PTPRM: variants seen among roughly 807,000 people sequenced by gnomAD.
The protein encoded by PTPRM is protein tyrosine phosphatase receptor type M.
Under a neutral mutation model 186.7 loss-of-function variants are expected in PTPRM, and 47 were observed. The observed-to-expected ratio is 0.25, with a 90% CI of 0.20 to 0.32. The LOEUF is 0.32. PTPRM is among the 10% of genes least tolerant of loss of function. The pLI, the probability that PTPRM is intolerant of heterozygous loss-of-function variation, is 1.00. For missense variants in PTPRM, 1,494 were observed against 1,865.0 expected, an observed-to-expected ratio of 0.80 and a Z score of 3.66; for synonymous variants, 668 against 674.9, an observed-to-expected ratio of 0.99 and a Z score of 0.16.
At chr18:7,840,964 A>T (rs2046292053) in intron 2 of PTPRM, among the ~76,000 whole-genome samples, 1 of 152,208 alleles carries the variant, frequency 6.6e-6, no homozygotes, top group Admixed American at 6.5e-5. Context: ...AAAGGACAAG[A>T]TGTAATTTGT....
At chr18:7,834,719 A>G (rs1367662166) in intron 2 of PTPRM, among the ~76,000 whole-genome samples, 4 of 151,846 alleles carry the variant, frequency 2.6e-5, no homozygotes, top group African/African-American at 9.7e-5. Context: ...AGAATTCAGC[A>G]GTGAAGCCAT....
chr18:7,763,948 TC>T (rs1347482751), intron 1 of PTPRM, among the ~76,000 whole-genome samples: 1 of 151,300 alleles, frequency 6.6e-6, no homozygotes, highest in Non-Finnish European at 1.5e-5. Flanking sequence ...AAAATGCAAT[TC>T]TTTTTTTTTT....
intron 1 of PTPRM, among the ~76,000 whole-genome samples, chr18:7,663,649 A>T (rs1423154770): frequency 6.6e-6 from 1 of 152,212 alleles, no homozygotes. Flanking sequence ...CTCATGTACC[A>T]TGAAGAGGAC....
chr18:8,139,979 A>G (rs1378759526), intron 13 of PTPRM, among the ~76,000 whole-genome samples: 1 of 152,184 alleles, frequency 6.6e-6, no homozygotes, highest in Non-Finnish European at 1.5e-5. Flanking sequence ...GCTACTCAAT[A>G]AATGCTTGTT....
At chr18:8,100,847 C>G (rs940489512) in intron 11 of PTPRM, among the ~76,000 whole-genome samples, 2 of 152,200 alleles carry the variant, frequency 1.3e-5, no homozygotes, top group South Asian at 2.1e-4. Context: ...GCCCATTATA[C>G]TCCGCTTTTA....
chr18:8,347,571 C>T (rs1034104425), intron 23 of PTPRM, among the ~76,000 whole-genome samples: 3 of 152,176 alleles, frequency 2.0e-5, no homozygotes, highest in Non-Finnish European at 4.4e-5. Flanking sequence ...AATGAAAATG[C>T]TATGCAGTGG....
intron 1 of PTPRM, among the ~76,000 whole-genome samples, chr18:7,658,359 T>TACATACAC (rs1555647588): frequency 1.5e-5 from 2 of 136,678 alleles, no homozygotes; most frequent in African/African-American, 5.9e-5. Context: ...TATATATATA[T>TACATACAC]ACATACACAC....
chr18:8,101,168 G>C (rs1479671053), intron 11 of PTPRM, among the ~76,000 whole-genome samples: 1 of 152,164 alleles, frequency 6.6e-6, no homozygotes. Context: ...CATAAAGAAT[G>C]CAACCATAGC....
intron 14 of PTPRM, among the ~76,000 whole-genome samples, chr18:8,215,632 C>T (rs928204103): frequency 1.3e-5 from 2 of 150,772 alleles, no homozygotes; most frequent in African/African-American, 4.9e-5. Context: ...AGCCCATACC[C>T]GCCGGGCTCA....
intron 7 of PTPRM, among the ~76,000 whole-genome samples, chr18:7,965,601 G>A (rs1037123133): frequency 6.6e-5 from 10 of 152,270 alleles, no homozygotes; most frequent in Admixed American, 2.6e-4. Context: ...CTTGCATCCA[G>A]TGTCGCTGGC....
intron 1 of PTPRM, among the ~76,000 whole-genome samples, chr18:7,683,163 A>ATTTT (rs761087539): frequency 4.4e-4 from 54 of 123,352 alleles, no homozygotes; most frequent in African/African-American, 1.3e-3. Flanking sequence ...TTGGCTTGCC[A>ATTTT]TTTTTTTTTT....
intron 14 of PTPRM, among the ~76,000 whole-genome samples, chr18:8,213,295 G>A (rs1315590757): frequency 6.6e-6 from 1 of 152,172 alleles, no homozygotes; most frequent in African/African-American, 2.4e-5. Flanking sequence ...AGGAGAACAG[G>A]CTGCAGAAGG....
At chr18:7,774,362 C>T (rs140271321) in intron 2 of PTPRM, 91 bp downstream of exon 2, 29 of 1,469,580 alleles carry the variant, frequency 2.0e-5, no homozygotes, top group East Asian at 9.2e-5. Context: ...AAATGAGTGA[C>T]GGTGTTGGTC....
intron 4 of PTPRM, among the ~76,000 whole-genome samples, chr18:7,915,464 T>A (rs1469528674): frequency 7.1e-6 from 1 of 141,618 alleles, no homozygotes; most frequent in Non-Finnish European, 1.6e-5. Flanking sequence ...AGCATACAGC[T>A]CAGCATGGGA....
At chr18:7,869,641 G>A (rs950438814) in intron 2 of PTPRM, among the ~76,000 whole-genome samples, 4 of 152,060 alleles carry the variant, frequency 2.6e-5, no homozygotes, top group Admixed American at 6.6e-5. Flanking sequence ...GTTCCTGTTC[G>A]GCCATCTTGC....
intron 1 of PTPRM, among the ~76,000 whole-genome samples, chr18:7,652,946 T>C (rs1171256267): frequency 6.6e-6 from 1 of 151,870 alleles, no homozygotes; most frequent in Non-Finnish European, 1.5e-5. Flanking sequence ...GCCCCAAATA[T>C]ACGATTCTTA....
intron 5 of PTPRM, among the ~76,000 whole-genome samples, chr18:7,927,532 T>C (rs770656979): frequency 6.6e-6 from 1 of 152,072 alleles, no homozygotes; most frequent in Admixed American, 6.6e-5. Context: ...AGTTGAACTG[T>C]CCTTCGGGTT....
At chr18:7,777,361 A>C (rs925931341) in intron 2 of PTPRM, among the ~76,000 whole-genome samples, 2 of 152,194 alleles carry the variant, frequency 1.3e-5, no homozygotes, top group Non-Finnish European at 2.9e-5. Context: ...AGAATAATAA[A>C]ATTTTGTGAT....
At chr18:7,863,293 G>A (rs967176236) in intron 2 of PTPRM, among the ~76,000 whole-genome samples, 3 of 152,050 alleles carry the variant, frequency 2.0e-5, no homozygotes, top group African/African-American at 7.2e-5. Flanking sequence ...ATGGTGGTTT[G>A]CTGCCCATCA....
Sources: allele counts gnomAD v4.1 joint callset (sites outside exome capture counted in the v4.1 genomes callset), GRCh38; gene constraint gnomAD v4.1.1; transcripts MANE v1.5; gene names NCBI Gene and HGNC (gene_info 2026-07-23, HGNC 2026-07-21).